Variants in ADGRL3 observed in about 807,000 individuals in gnomAD.
The protein encoded by ADGRL3 is adhesion G protein-coupled receptor L3, also known as calcium-independent alpha-latrotoxin receptor 3.
ADGRL3 carries 62 observed loss-of-function variants against 153.5 expected under a neutral mutation model. The ratio of observed to expected loss-of-function variants is 0.40; its 90% CI spans 0.33 to 0.50. The LOEUF is 0.50. Among genes scored for constraint, ADGRL3 ranks in the 20% least tolerant of loss-of-function variants. The pLI is 0.47. For missense variants in ADGRL3, 1,641 were observed against 1,859.4 expected (o/e 0.88, Z 2.16); for synonymous variants, 710 against 672.5 (o/e 1.06, Z -0.86).
At chr4:61,259,451 T>TAAATAAATTCCC (rs1299311880) in intron 1 of ADGRL3, among the ~76,000 whole-genome samples, 1 of 150,912 alleles carries the variant, frequency 6.6e-6, no homozygotes, top group African/African-American at 2.4e-5. Flanking sequence ...AATAAATAAA[T>TAAATAAATTCCC]AAATAAATAA....
At chr4:61,744,486 T>A (rs1345317777) in intron 8 of ADGRL3, among the ~76,000 whole-genome samples, 1 of 151,964 alleles carries the variant, frequency 6.6e-6, no homozygotes, top group African/African-American at 2.4e-5. Flanking sequence ...GACTGACACC[T>A]CACACCGCCG....
chr4:61,404,773 C>A (rs749218862), intron 2 of ADGRL3, among the ~76,000 whole-genome samples: 2 of 151,986 alleles, frequency 1.3e-5, no homozygotes, highest in African/African-American at 2.4e-5. Flanking sequence ...GAAGGCAAAT[C>A]CATTCATGTT....
chr4:61,458,173 T>C (rs747143971), intron 2 of ADGRL3, among the ~76,000 whole-genome samples: 10 of 151,786 alleles, frequency 6.6e-5, no homozygotes, highest in African/African-American at 2.2e-4. Context: ...TGTTATTTAA[T>C]TTGTACTTAT....
At chr4:61,477,144 C>T (rs972957784) in intron 2 of ADGRL3, among the ~76,000 whole-genome samples, 2 of 152,134 alleles carry the variant, frequency 1.3e-5, no homozygotes, top group African/African-American at 4.8e-5. Flanking sequence ...AACTTAATTT[C>T]AGCCATAGTT....
chr4:61,628,919 G>T lies in ADGRL3; in HGVS notation c.473+41479G>T, dbSNP rs542572528. ...TAAGTGCTGCCACAGGATAGTATTG[G>T]TACCTTCTGTTTACATAGCACCTAT... On this transcript the variant is annotated intron_variant, in intron 5 of 26. Transcript: ENST00000683033. Among the ~76,000 whole-genome samples the T allele has an allele frequency of 8.4e-4, 128 of 152,222 alleles. 1 individual carries two copies. Among genetic ancestry groups the T allele is most frequent in the African/African-American group, 3.0e-3 (124 of 41,554 alleles).
At chr4:61,909,867 A>T (rs1271330048) in intron 12 of ADGRL3, 122 bp downstream of exon 12, 3 of 644,752 alleles carry the variant, frequency 4.7e-6, no homozygotes, top group Non-Finnish European at 7.5e-6. Context: ...ACAGAATATG[A>T]TCATTATAAA....
At chr4:61,386,137 A>C (rs1342083360) in intron 2 of ADGRL3, among the ~76,000 whole-genome samples, 2 of 152,180 alleles carry the variant, frequency 1.3e-5, no homozygotes, top group African/African-American at 2.4e-5. Context: ...ATGAGTCCTC[A>C]CATCTAGAAA....
chr4:61,416,952 G>T (rs2097150649), intron 2 of ADGRL3, among the ~76,000 whole-genome samples: 1 of 152,060 alleles, frequency 6.6e-6, no homozygotes, highest in Non-Finnish European at 1.5e-5. Flanking sequence ...GGAGGTGATG[G>T]GAGATAGTGA....
At chr4:61,483,041 G>A (rs2098148239) in intron 2 of ADGRL3, among the ~76,000 whole-genome samples, 1 of 152,166 alleles carries the variant, frequency 6.6e-6, no homozygotes, top group Admixed American at 6.5e-5. Flanking sequence ...GACTCCCAGA[G>A]TATGCAGTGT....
In ADGRL3 at chr4:62,071,653, A is replaced by T; in HGVS notation, c.*745A>T. 2.6e-6 allele frequency: 1 copy of T among 381,288 alleles called. No homozygotes were observed. The highest frequency in any genetic ancestry group is 2.0e-5 in the South Asian group (1 of 50,076). The allele number at this position is 381,288 out of a possible 1,614,324, so 23.6% of individuals were successfully genotyped here. A position where few individuals can be genotyped will look rare whatever the true frequency, so the allele number is the denominator to read the frequency against. ...AATGTAGTAGAAAAAAAAAAAAGAA[A>T]TTTTCTTTTTCTTTTGTGCTGGTCT... On this transcript the variant is annotated 3_prime_UTR_variant, in exon 27 of 27. Coordinates refer to ENST00000683033, the MANE Select transcript of ADGRL3 (RefSeq NM_001387552.1).
At chr4:61,848,107 A>AAT (rs2098159289) in intron 9 of ADGRL3, among the ~76,000 whole-genome samples, 1 of 106,400 alleles carries the variant, frequency 9.4e-6, no homozygotes, top group South Asian at 2.5e-4. Flanking sequence ...TATATTATAT[A>AAT]ATATATATAT....
chr4:61,564,337 T>G (rs1314298449), intron 4 of ADGRL3, among the ~76,000 whole-genome samples: 6 of 152,128 alleles, frequency 3.9e-5, no homozygotes, highest in African/African-American at 1.4e-4. Flanking sequence ...TGCAGTGGCA[T>G]AATTACAGTT....
intron 4 of ADGRL3, among the ~76,000 whole-genome samples, chr4:61,549,626 T>C (rs1021687357): frequency 1.3e-5 from 2 of 150,238 alleles, no homozygotes; most frequent in Non-Finnish European, 1.5e-5. Flanking sequence ...ATGTTTTTTT[T>C]CTTAATTTTA....
At chr4:61,340,528 T>C (rs993428008) in intron 1 of ADGRL3, among the ~76,000 whole-genome samples, 3 of 152,122 alleles carry the variant, frequency 2.0e-5, no homozygotes, top group African/African-American at 7.2e-5. Context: ...CGGATACATC[T>C]TTCTAAGGTA....
chr4:61,852,641 A>G (rs1047605935), intron 9 of ADGRL3, among the ~76,000 whole-genome samples: 21 of 152,138 alleles, frequency 1.4e-4, no homozygotes, highest in African/African-American at 5.1e-4. Context: ...ACAACAAAAA[A>G]ATTTGTTTTG....
intron 3 of ADGRL3, among the ~76,000 whole-genome samples, chr4:61,512,435 TAG>T (rs2098468416): frequency 6.6e-6 from 1 of 152,120 alleles, no homozygotes; most frequent in Non-Finnish European, 1.5e-5. Context: ...GCTTCGTCCA[TAG>T]GCATTTTTAT....
chr4:62,035,262 G>A (rs538374035), intron 23 of ADGRL3, among the ~76,000 whole-genome samples: 28 of 152,110 alleles, frequency 1.8e-4, no homozygotes, highest in African/African-American at 6.3e-4. Flanking sequence ...TATCGGTTCA[G>A]AACATTTAAT....
intron 5 of ADGRL3, among the ~76,000 whole-genome samples, chr4:61,624,924 CA>C (rs1242233845): frequency 1.3e-5 from 2 of 152,008 alleles, no homozygotes; most frequent in Non-Finnish European, 2.9e-5. Flanking sequence ...TTTAAAATTA[CA>C]CTATTGTAGT....
At chr4:61,261,434 T>G in intron 1 of ADGRL3, among the ~76,000 whole-genome samples, 1 of 152,142 alleles carries the variant, frequency 6.6e-6, no homozygotes, top group East Asian at 1.9e-4. Flanking sequence ...TTGGCACACA[T>G]GAAATTCAAG....
Sources: gnomAD v4.1 joint callset for allele counts (sites outside exome capture counted in the v4.1 genomes callset) on GRCh38, gnomAD v4.1.1 for gene constraint, MANE v1.5 for transcripts, NCBI Gene and HGNC (gene_info 2026-07-23, HGNC 2026-07-21) for gene names.